Variants in HPSE2 observed in about 807,000 individuals in gnomAD.
HPSE2 encodes inactive heparanase-2.
In HPSE2, 38 loss-of-function variants were observed where a neutral mutation model predicts 60.5. The ratio of observed to expected loss-of-function variants is 0.63; its 90% confidence interval spans 0.48 to 0.82. HPSE2 has a LOEUF of 0.82. Among genes scored for constraint, HPSE2 ranks in the 40% least tolerant of loss-of-function variants. HPSE2 has a pLI of 0.00. For missense variants in HPSE2, 713 were observed against 740.4 expected (o/e 0.96, Z 0.43); for synonymous variants, 295 against 293.2 (o/e 1.01, Z -0.06).
chr10:98,974,185 A>T, intron 3 of HPSE2, among the ~76,000 whole-genome samples: 1 of 152,070 alleles, frequency 6.6e-6, no homozygotes, highest in East Asian at 1.9e-4. Flanking sequence ...ACAGCTACTC[A>T]GCCTGAGGCA....
At chr10:98,984,160 G>A (rs774468522) in intron 3 of HPSE2, among the ~76,000 whole-genome samples, 136 of 152,132 alleles carry the variant, frequency 8.9e-4, no homozygotes, top group Non-Finnish European at 1.1e-3. Flanking sequence ...CTCTCAGCAC[G>A]CAGCTTGAGA....
At chr10:98,730,143 T>C (rs1205526030) in intron 4 of HPSE2, among the ~76,000 whole-genome samples, 3 of 152,064 alleles carry the variant, frequency 2.0e-5, no homozygotes, top group East Asian at 1.9e-4. Flanking sequence ...AATCATACAA[T>C]GGATGTGCTT....
upstream of HPSE2, among the ~76,000 whole-genome samples, chr10:99,237,107 T>C (rs898660691): frequency 1.3e-5 from 2 of 152,092 alleles, no homozygotes; most frequent in Middle Eastern, 3.2e-3. Context: ...AGCTTGCAAA[T>C]TGAACTCTAG....
At chr10:99,018,259 C>T (rs1384352486) in intron 3 of HPSE2, among the ~76,000 whole-genome samples, 3 of 152,206 alleles carry the variant, frequency 2.0e-5, no homozygotes, top group African/African-American at 7.2e-5. Context: ...TTGTGGTCTC[C>T]TCTAGTATGA....
At chr10:99,272,578 G>GA in the HPSE2 span, among the ~76,000 whole-genome samples, 544 of 146,682 alleles carry the variant, frequency 3.7e-3, 2 homozygotes, top group African/African-American at 0.012. Context: ...CAAATTGCAA[G>GA]AAAAAAAAAA....
At chr10:99,268,849 T>C in the HPSE2 span, among the ~76,000 whole-genome samples, 4 of 152,074 alleles carry the variant, frequency 2.6e-5, no homozygotes, top group Admixed American at 6.5e-5. Context: ...AGATAAAGAA[T>C]GGCAGAATGG....
Position 98,928,922 on chromosome 10 carries a change from A to G in HPSE2, c.611-184866T>C, listed in dbSNP as rs1348284097. 4.0e-4 allele frequency among the ~76,000 whole-genome samples: 56 copies of G among 140,246 alleles called. 9 individuals are homozygous for G. Among genetic ancestry groups the G allele is most frequent in the African/African-American group, 1.4e-3 (48 of 33,450 alleles). 92.0% of individuals were successfully genotyped at this position (140,246 alleles called of 152,430 possible). A position where few individuals can be genotyped will look rare whatever the true frequency, so the allele number is the denominator to read the frequency against. ...GGTAGTGGGTGCAGCGCACCAGCAT[A>G]GCACATGTATACATATGTAACTAAC... On this transcript the variant is annotated intron_variant, in intron 3 of 11. Transcript: ENST00000370552.
intron 3 of HPSE2, among the ~76,000 whole-genome samples, chr10:99,051,661 T>G (rs555361176): frequency 2.6e-5 from 4 of 152,302 alleles, no homozygotes; most frequent in African/African-American, 9.6e-5. Context: ...AAAGCAACAG[T>G]TGGAAAGCTG....
intron 3 of HPSE2, among the ~76,000 whole-genome samples, chr10:98,859,910 TGA>T (rs149306236): frequency 0.018 from 2,774 of 152,206 alleles, 85 homozygotes; most frequent in East Asian, 0.12. Flanking sequence ...TAAGATATTT[TGA>T]GAGAGAGAGA....
intron 10 of HPSE2, among the ~76,000 whole-genome samples, chr10:98,488,901 C>A (rs1263278478): frequency 1.3e-5 from 2 of 152,216 alleles, no homozygotes. Context: ...ACTGACAAGA[C>A]AACTGGCCCC....
chr10:99,203,303 A>C (rs905152407), intron 2 of HPSE2, among the ~76,000 whole-genome samples: 17 of 152,242 alleles, frequency 1.1e-4, no homozygotes, highest in South Asian at 2.1e-4. Context: ...CTGCAGCCCT[A>C]GTCACGAGCC....
At chr10:99,313,443 TAATGGA>T in the HPSE2 span, among the ~76,000 whole-genome samples, 1 of 152,124 alleles carries the variant, frequency 6.6e-6, no homozygotes, top group South Asian at 2.1e-4. Context: ...GAGTTGCTTC[TAATGGA>T]TAAGCAAAGA....
At chr10:99,287,104 G>C in the HPSE2 span, among the ~76,000 whole-genome samples, 1 of 152,050 alleles carries the variant, frequency 6.6e-6, no homozygotes, top group Non-Finnish European at 1.5e-5. Flanking sequence ...CCCTAGAGCA[G>C]AATTCATTAA....
intron 2 of HPSE2, among the ~76,000 whole-genome samples, chr10:99,165,529 G>A (rs956863906): frequency 2.1e-5 from 3 of 143,986 alleles, no homozygotes; most frequent in African/African-American, 5.1e-5. Flanking sequence ...ATTTATTTAC[G>A]TATTTATTTA....
intron 2 of HPSE2, among the ~76,000 whole-genome samples, chr10:99,210,108 A>G (rs1293057093): frequency 6.6e-6 from 1 of 152,230 alleles, no homozygotes; most frequent in Non-Finnish European, 1.5e-5. Flanking sequence ...CTTGTACCGC[A>G]GAAACACAAA....
At chr10:99,187,428 C>T (rs1349645044) in intron 2 of HPSE2, among the ~76,000 whole-genome samples, 1 of 152,116 alleles carries the variant, frequency 6.6e-6, no homozygotes, top group Non-Finnish European at 1.5e-5. Flanking sequence ...AAAACTTTTA[C>T]TCTTCAAAAG....
At chr10:98,953,203 C>T (rs983286730) in intron 3 of HPSE2, among the ~76,000 whole-genome samples, 1 of 152,084 alleles carries the variant, frequency 6.6e-6, no homozygotes, top group Non-Finnish European at 1.5e-5. Flanking sequence ...CTAAGATGTT[C>T]CATAAAAGGC....
intron 3 of HPSE2, among the ~76,000 whole-genome samples, chr10:99,031,275 C>A (rs1957492568): frequency 6.6e-6 from 1 of 152,054 alleles, no homozygotes; most frequent in Non-Finnish European, 1.5e-5. Flanking sequence ...CTACCATGTA[C>A]CCACAAAATT....
At chr10:98,773,812 G>T (rs1950288477) in intron 3 of HPSE2, among the ~76,000 whole-genome samples, 1 of 152,168 alleles carries the variant, frequency 6.6e-6, no homozygotes, top group African/African-American at 2.4e-5. Flanking sequence ...TCATGCCTTT[G>T]GGAGGCTAAG....
Sources: gnomAD v4.1 joint callset for allele counts (sites outside exome capture counted in the v4.1 genomes callset) on GRCh38, gnomAD v4.1.1 for gene constraint, MANE v1.5 for transcripts, NCBI Gene and HGNC (gene_info 2026-07-23, HGNC 2026-07-21) for gene names.